RREB1: variants seen among roughly 807,000 people sequenced by gnomAD.
RREB1 encodes ras-responsive element-binding protein 1.
RREB1 carries 27 observed loss-of-function variants against 117.8 expected under a neutral mutation model. The observed-to-expected ratio is 0.23, with a 90% CI of 0.17 to 0.32. The LOEUF (loss-of-function observed/expected upper bound fraction) is 0.32, where lower values mean the gene tolerates loss of function less well. Among genes scored for constraint, RREB1 ranks in the 10% least tolerant of loss-of-function variants. The pLI is 1.00. For synonymous variants in RREB1, 1,298 were observed against 1,026.7 expected (o/e 1.26, Z -5.05); for missense variants, 2,577 against 2,378.2 (o/e 1.08, Z -1.74).
chr6:7,149,766 C>T (rs1361803166), intron 1 of RREB1, among the ~76,000 whole-genome samples: 1 of 152,208 alleles, frequency 6.6e-6, no homozygotes, highest in Non-Finnish European at 1.5e-5. Context: ...CGGCTCACTG[C>T]AACCTGGCGC....
In RREB1 at chr6:7,249,126, G is replaced by A. The variant is rs892899522; in HGVS notation, c.*158G>A. 16 of 671,264 alleles carry A rather than the reference G, an allele frequency of 2.4e-5. No individual in the cohort carries two copies. Among genetic ancestry groups the A allele is most frequent in the Non-Finnish European group, 3.6e-5 (15 of 411,850 alleles). The allele number at this position is 671,264 out of a possible 1,614,324, so 41.6% of individuals were successfully genotyped here. A position where few individuals can be genotyped will look rare whatever the true frequency, so the allele number is the denominator to read the frequency against. On this transcript the variant is annotated 3_prime_UTR_variant, in exon 13 of 13. Transcript: ENST00000379938. ...GAGACAAGCAGGAGCGTGGCTGCTC[G>A]CTCAGTGCCATAGCCTTACCGCAGC...
Position 7,230,598 on chromosome 6 carries a change from C to T in RREB1, c.2499C>T (p.Pro833=), listed in dbSNP as rs759885919. The part of the protein sequence containing the change: ...SYVLAADGLG[P]AEAPAAEASG... ...TGCTGGCCGCCGACGGCCTGGGCCC[C>T]GCAGAGGCGCCGGCCGCTGAGGCGT... Residue 833 remains proline, a synonymous_variant, in exon 10 of 13, where the codon CCC becomes CCT. Transcript: ENST00000379938. The T allele has an allele frequency of 1.1e-5, 17 of 1,603,436 alleles. No homozygotes were observed. The highest frequency in any genetic ancestry group is 2.3e-5 in the East Asian group (1 of 44,438).
intron 5 of RREB1, among the ~76,000 whole-genome samples, chr6:7,188,252 T>TGTGTGC (rs1411771705): frequency 1.5e-3 from 227 of 147,666 alleles, no homozygotes; most frequent in African/African-American, 5.3e-3. Context: ...TGTGTGTGTG[T>TGTGTGC]GCGCGCGCGC....
chr6:7,187,528 A>G lies in RREB1; in HGVS notation c.261+5A>G. 1 of 1,367,058 alleles carries G rather than the reference A, an allele frequency of 7.3e-7. No homozygotes were observed. Among genetic ancestry groups the G allele is most frequent in the Non-Finnish European group, 9.7e-7 (1 of 1,030,444 alleles). The allele number at this position is 1,367,058 out of a possible 1,614,324, so 84.7% of individuals were successfully genotyped here. A position where few individuals can be genotyped will look rare whatever the true frequency, so the allele number is the denominator to read the frequency against. On this transcript the variant is annotated splice_donor_5th_base_variant and intron_variant, in intron 5 of 12. Transcript: ENST00000379938. ...CTGACCATGCACATTCGCCAGGTAG[A>G]TTCCCACTGTTCTTTTATTTTATTT...
chr6:7,196,677 A>G (rs1765695094), intron 6 of RREB1, among the ~76,000 whole-genome samples: 1 of 152,168 alleles, frequency 6.6e-6, no homozygotes, highest in Non-Finnish European at 1.5e-5. Flanking sequence ...TTATTTTGAG[A>G]AAGGTTAGGA....
chr6:7,162,718 T>C lies in RREB1; in HGVS notation c.-284-13937T>C, dbSNP rs189279010. Among the ~76,000 whole-genome samples, 221 of 152,320 alleles carry C rather than the reference T, an allele frequency of 1.5e-3. 2 individuals carry two copies. Among genetic ancestry groups the C allele is most frequent in the Non-Finnish European group, 2.5e-4 (17 of 68,022 alleles). ...TAAGCCACTAATTTTAACAACATGC[T>C]GAGAATACCCATTTTTCTCTGCCTA... On this transcript the variant is annotated intron_variant, in intron 1 of 12. Transcript: ENST00000379938.
intron 1 of RREB1, among the ~76,000 whole-genome samples, chr6:7,130,060 C>T (rs1762086949): frequency 6.6e-6 from 1 of 152,184 alleles, no homozygotes. Flanking sequence ...TCTACTGACT[C>T]TCCCCTCCCT....
chr6:7,215,782 T>C (rs1465037532), intron 8 of RREB1: 1 of 152,272 alleles, frequency 6.6e-6, no homozygotes, highest in Admixed American at 6.5e-5. Context: ...CTTGCTTCCA[T>C]GTACTGACTC....
chr6:7,186,326 G>A (rs1765079598), intron 4 of RREB1, among the ~76,000 whole-genome samples: 1 of 152,160 alleles, frequency 6.6e-6, no homozygotes, highest in Non-Finnish European at 1.5e-5. Flanking sequence ...TCAAACCTGG[G>A]CACATATCAC....
intron 1 of RREB1, among the ~76,000 whole-genome samples, chr6:7,172,891 A>G (rs1474721685): frequency 1.3e-5 from 2 of 152,178 alleles, no homozygotes; most frequent in African/African-American, 4.8e-5. Flanking sequence ...CTCGTGGAAC[A>G]TTTAGCCTGG....
intron 1 of RREB1, among the ~76,000 whole-genome samples, chr6:7,131,897 C>A (rs1170874871): frequency 6.6e-6 from 1 of 151,602 alleles, no homozygotes; most frequent in Non-Finnish European, 1.5e-5. Flanking sequence ...TCTCCTCTGT[C>A]ATCCAGGCTG....
intron 1 of RREB1, among the ~76,000 whole-genome samples, chr6:7,128,088 C>CTTTA (rs1489232520): frequency 1.3e-5 from 2 of 152,002 alleles, no homozygotes; most frequent in Non-Finnish European, 2.9e-5. Flanking sequence ...TATAGCCTGA[C>CTTTA]TTTATACATT....
Position 7,237,848 on chromosome 6 carries a change from T to C in RREB1, c.3809-2590T>C, listed in dbSNP as rs376910915. 2.5e-4 allele frequency among the ~76,000 whole-genome samples: 38 copies of C among 152,358 alleles called. 1 individual carries two copies. Among genetic ancestry groups the C allele is most frequent in the African/African-American group, 7.7e-4 (32 of 41,570 alleles). The stretch of plus-strand genomic sequence containing the variant: ...TTCTAATGACTCATGTGAGTTGTTA[T>C]GTCACTTTGGGAGCCTTTGTAGTTT... On this transcript the variant is annotated intron_variant, in intron 10 of 12. Coordinates refer to ENST00000379938, the MANE Select transcript of RREB1 (RefSeq NM_001003699.4).
At chr6:7,178,904 G>A (rs964476850) in intron 2 of RREB1, among the ~76,000 whole-genome samples, 10 of 152,122 alleles carry the variant, frequency 6.6e-5, no homozygotes, top group Non-Finnish European at 1.0e-4. Flanking sequence ...CAAACAACAA[G>A]GCTTTTCTCC....
chr6:7,190,615 A>G (rs1765352045), intron 6 of RREB1, among the ~76,000 whole-genome samples: 1 of 152,202 alleles, frequency 6.6e-6, no homozygotes, highest in African/African-American at 2.4e-5. Context: ...TTTGCCCCTC[A>G]TCTCTTCCTG....
chr6:7,130,366 A>G (rs1465814706), intron 1 of RREB1, among the ~76,000 whole-genome samples: 3 of 152,130 alleles, frequency 2.0e-5, no homozygotes, highest in Non-Finnish European at 2.9e-5. Flanking sequence ...GGCTGCCATA[A>G]TCCACGCGCT....
rs1018417876 is a variant in RREB1, at chr6:7,250,180, G to C, written c.*1212G>C. 2 of 152,304 alleles carry C rather than the reference G, an allele frequency of 1.3e-5. No individual in the cohort carries two copies. Among genetic ancestry groups the C allele is most frequent in the South Asian group, 4.1e-4 (2 of 4,826 alleles). The allele number at this position is 152,304 out of a possible 1,614,324, so 9.4% of individuals were successfully genotyped here. On this transcript the variant is annotated 3_prime_UTR_variant, in exon 13 of 13. Transcript: ENST00000379938. ...GACCCAGTGACCAGGCACATTACTCGTGAGCGAGGTATTCCCAGTCTTCCT... is the reference window on the plus strand; with the variant it reads ...GACCCAGTGACCAGGCACATTACTCCTGAGCGAGGTATTCCCAGTCTTCCT...
At chr6:7,123,439 G>A (rs1205079304) in intron 1 of RREB1, among the ~76,000 whole-genome samples, 3 of 152,144 alleles carry the variant, frequency 2.0e-5, no homozygotes, top group Non-Finnish European at 4.4e-5. Context: ...TAGGATTACA[G>A]GCGTGAGCCA....
chr6:7,169,644 C>T (rs924929774), intron 1 of RREB1, among the ~76,000 whole-genome samples: 1 of 152,082 alleles, frequency 6.6e-6, no homozygotes, highest in South Asian at 2.1e-4. Flanking sequence ...TAGTTAGATC[C>T]TGGCAGGAAG....
Sources: allele counts gnomAD v4.1 joint callset (sites outside exome capture counted in the v4.1 genomes callset), GRCh38; gene constraint gnomAD v4.1.1; transcripts MANE v1.5; gene names NCBI Gene and HGNC (gene_info 2026-07-23, HGNC 2026-07-21).